Variants in ADGRL2 observed in about 807,000 individuals in gnomAD.
The protein encoded by ADGRL2 is calcium-independent alpha-latrotoxin receptor 2.
In ADGRL2, 44 loss-of-function variants were observed where a neutral mutation model predicts 157.4. That is an observed-to-expected ratio of 0.28 (90% CI 0.22 to 0.36). The LOEUF is 0.36. ADGRL2 is among the 10% of genes least tolerant of loss of function. ADGRL2 has a pLI of 1.00. For synonymous variants in ADGRL2, 585 were observed against 624.7 expected, an observed-to-expected ratio of 0.94 and a Z score of 0.95; for missense variants, 1,510 against 1,768.9, an observed-to-expected ratio of 0.85 and a Z score of 2.63.
intron 3 of ADGRL2, among the ~76,000 whole-genome samples, chr1:81,658,132 G>T (rs2082574634): frequency 6.6e-6 from 1 of 152,150 alleles, no homozygotes; most frequent in Admixed American, 6.5e-5. Flanking sequence ...GTCTCACTCT[G>T]TCGCCCAAGC....
In ADGRL2 at chr1:81,488,473, G is replaced by T. The variant is rs115942105; in HGVS notation, c.-248+43384G>T. The stretch of plus-strand genomic sequence containing the variant: ...GTAGCACTTTGAGAGACCGAGGCAT[G>T]CAAATAGCTTGAGCTCAGGAGTTTT... On this transcript the variant is annotated intron_variant, in intron 2 of 24. Coordinates refer to the ADGRL2 transcript ENST00000370721. Among the ~76,000 whole-genome samples, 342 of 151,598 alleles carry T rather than the reference G, an allele frequency of 2.3e-3. 1 individual carries two copies. The highest frequency in any genetic ancestry group is 8.1e-3 in the African/African-American group (333 of 41,316).
At chr1:81,342,258 T>G (rs1003784868) in intron 1 of ADGRL2, among the ~76,000 whole-genome samples, 1 of 152,344 alleles carries the variant, frequency 6.6e-6, no homozygotes, top group South Asian at 2.1e-4. Context: ...ATTATTTAAA[T>G]GTCCATATGT....
intron 2 of ADGRL2, among the ~76,000 whole-genome samples, chr1:81,902,642 A>G (rs186577736): frequency 3.0e-5 from 4 of 134,640 alleles, no homozygotes; most frequent in Admixed American, 2.4e-4. Flanking sequence ...TGTCAGTCTT[A>G]AGGTCTCTGT....
chr1:81,645,178 C>T (rs2148817627), intron 3 of ADGRL2, among the ~76,000 whole-genome samples: 1 of 151,956 alleles, frequency 6.6e-6, no homozygotes, highest in South Asian at 2.1e-4. Flanking sequence ...TTGCTTGAGG[C>T]CAGGAGTTCA....
At chr1:81,691,390 C>T (rs1046223592) in intron 3 of ADGRL2, among the ~76,000 whole-genome samples, 2 of 151,748 alleles carry the variant, frequency 1.3e-5, no homozygotes, top group African/African-American at 4.8e-5. Context: ...TCTGTAAGTA[C>T]ATGAGAATCT....
chr1:81,497,652 TAAC>T (rs1347354498), intron 2 of ADGRL2, among the ~76,000 whole-genome samples: 4 of 152,186 alleles, frequency 2.6e-5, no homozygotes, highest in African/African-American at 9.6e-5. Context: ...GCAAGTTGTT[TAAC>T]CTTTCTCTAC....
At chr1:81,322,806 G>T (rs1351241670) in intron 1 of ADGRL2, among the ~76,000 whole-genome samples, 1 of 152,062 alleles carries the variant, frequency 6.6e-6, no homozygotes, top group Non-Finnish European at 1.5e-5. Context: ...AAGACTAAGG[G>T]GAGATACCAT....
intron 16 of ADGRL2, 86 bp downstream of exon 16, chr1:81,970,620 T>A: frequency 1.1e-6 from 1 of 923,340 alleles, no homozygotes; most frequent in Non-Finnish European, 1.7e-6. Context: ...CCTGACAGAT[T>A]AAAATAGCAT....
chr1:81,904,429 A>T (rs1420188023), intron 2 of ADGRL2, among the ~76,000 whole-genome samples: 1 of 152,188 alleles, frequency 6.6e-6, no homozygotes, highest in African/African-American at 2.4e-5. Context: ...ATAGGAAAAT[A>T]CTCAGACTGG....
chr1:81,434,295 A>G (rs912041513), intron 1 of ADGRL2, among the ~76,000 whole-genome samples: 1 of 152,224 alleles, frequency 6.6e-6, no homozygotes, highest in Non-Finnish European at 1.5e-5. Flanking sequence ...TGTGTCACAC[A>G]TGTAATGTAT....
At chr1:81,446,791 A>C (rs2077604729) in intron 2 of ADGRL2, among the ~76,000 whole-genome samples, 1 of 152,164 alleles carries the variant, frequency 6.6e-6, no homozygotes, top group Non-Finnish European at 1.5e-5. Context: ...CTATTTCCAA[A>C]GGTAATATTA....
At chr1:81,750,151 T>A (rs544641754) in intron 1 of ADGRL2, among the ~76,000 whole-genome samples, 78 of 152,226 alleles carry the variant, frequency 5.1e-4, no homozygotes, top group Non-Finnish European at 8.8e-4. Flanking sequence ...TTTGTTCTCA[T>A]GCTCTTCTTT....
At chr1:81,497,360 GA>G (rs2078752840) in intron 2 of ADGRL2, among the ~76,000 whole-genome samples, 1 of 151,798 alleles carries the variant, frequency 6.6e-6, no homozygotes, top group Admixed American at 6.6e-5. Flanking sequence ...TTCTTAATAT[GA>G]AGACTAATAA....
At chr1:81,892,145 G>A (rs192763949) in intron 2 of ADGRL2, among the ~76,000 whole-genome samples, 1 of 152,130 alleles carries the variant, frequency 6.6e-6, no homozygotes, top group East Asian at 1.9e-4. Context: ...TTCAAATGAA[G>A]AGATTGGGGA....
chr1:81,471,551 T>A (rs1476264097), intron 2 of ADGRL2, among the ~76,000 whole-genome samples: 1 of 152,172 alleles, frequency 6.6e-6, no homozygotes, highest in Non-Finnish European at 1.5e-5. Context: ...ATTGAAGGGT[T>A]TCTGAGAATT....
chr1:81,462,287 T>G lies in ADGRL2; in HGVS notation c.-248+17198T>G, dbSNP rs185654068. 4.2e-3 allele frequency among the ~76,000 whole-genome samples: 633 copies of G among 152,340 alleles called. 4 individuals are homozygous for G. Among genetic ancestry groups the G allele is most frequent in the Admixed American group, 0.015 (233 of 15,298 alleles). Reference sequence around the variant, plus strand: ...AGAATAAGAGCTGGCCACCCCAGCATGCAGCAGCAACCTGCTCTGCTGCCC... The same window carrying G: ...AGAATAAGAGCTGGCCACCCCAGCAGGCAGCAGCAACCTGCTCTGCTGCCC... On this transcript the variant is annotated intron_variant, in intron 2 of 24. Transcript: ENST00000370721.
chr1:81,517,491 G>GAAAA (rs1383583561), intron 2 of ADGRL2, among the ~76,000 whole-genome samples: 56 of 141,808 alleles, frequency 3.9e-4, no homozygotes, highest in East Asian at 1.1e-3. Context: ...AAAAAAAAAG[G>GAAAA]ATGTCAAAAC....
chr1:81,858,285 A>G (rs2093273815), intron 2 of ADGRL2, among the ~76,000 whole-genome samples: 1 of 152,214 alleles, frequency 6.6e-6, no homozygotes, highest in Non-Finnish European at 1.5e-5. Flanking sequence ...CCAATAACAC[A>G]TAGGACACAG....
chr1:81,650,307 C>G (rs774428775), intron 3 of ADGRL2, among the ~76,000 whole-genome samples: 9 of 152,046 alleles, frequency 5.9e-5, no homozygotes. Flanking sequence ...CCCCCTGGCT[C>G]ACACCTGTAA....
Sources: gnomAD v4.1 joint callset for allele counts (sites outside exome capture counted in the v4.1 genomes callset) on GRCh38, gnomAD v4.1.1 for gene constraint, MANE v1.5 for transcripts, NCBI Gene and HGNC (gene_info 2026-07-23, HGNC 2026-07-21) for gene names.